Variants in STXBP5L observed in about 807,000 individuals in gnomAD.
The protein encoded by STXBP5L is syntaxin-binding protein 5-like.
In STXBP5L, 65 loss-of-function variants were observed where a neutral mutation model predicts 144.5. The observed-to-expected ratio is 0.45, with a 90% confidence interval of 0.37 to 0.55. The LOEUF is 0.55. Ranked by LOEUF, STXBP5L falls within the 20% of genes least tolerant of loss-of-function variation. The probability of loss-of-function intolerance (pLI) is 0.00; values close to 1 mark genes in which losing one functional copy is unlikely to be tolerated. For synonymous variants in STXBP5L, 505 were observed against 469.6 expected, an observed-to-expected ratio of 1.08 and a Z score of -0.97; for missense variants, 1,298 against 1,405.5, an observed-to-expected ratio of 0.92 and a Z score of 1.22.
At chr3:120,965,372 C>A (rs537658695) in intron 3 of STXBP5L, among the ~76,000 whole-genome samples, 1 of 152,124 alleles carries the variant, frequency 6.6e-6, no homozygotes, top group Non-Finnish European at 1.5e-5. Flanking sequence ...TTCATAGCAT[C>A]GATGGTCTTT....
At chr3:121,359,886 G>C (rs946865535) in intron 20 of STXBP5L, among the ~76,000 whole-genome samples, 1 of 150,616 alleles carries the variant, frequency 6.6e-6, no homozygotes, top group African/African-American at 2.4e-5. Flanking sequence ...AGTATAATTT[G>C]AAGTCTGGTA....
chr3:120,931,087 G>T (rs1709909770), intron 2 of STXBP5L, among the ~76,000 whole-genome samples: 1 of 151,120 alleles, frequency 6.6e-6, no homozygotes, highest in South Asian at 2.1e-4. Flanking sequence ...AAACAAAGTT[G>T]GGTTTTCTCT....
intron 24 of STXBP5L, among the ~76,000 whole-genome samples, chr3:121,415,606 C>T (rs913652861): frequency 1.3e-5 from 2 of 152,012 alleles, no homozygotes; most frequent in Non-Finnish European, 2.9e-5. Flanking sequence ...GCTATATTAG[C>T]TTCCCATGCT....
At chr3:121,004,305 T>C (rs1317337126) in intron 3 of STXBP5L, among the ~76,000 whole-genome samples, 2 of 151,498 alleles carry the variant, frequency 1.3e-5, no homozygotes, top group Non-Finnish European at 3.0e-5. Context: ...TTATTCTCTT[T>C]GAAGCAATTG....
chr3:121,008,894 C>T (rs964478663), intron 3 of STXBP5L, among the ~76,000 whole-genome samples: 2 of 151,538 alleles, frequency 1.3e-5, no homozygotes, highest in African/African-American at 4.8e-5. Context: ...TCTATCTTTT[C>T]CAGGATGGAA....
At chr3:121,342,346 AT>A (rs987291403) in intron 20 of STXBP5L, among the ~76,000 whole-genome samples, 2 of 152,006 alleles carry the variant, frequency 1.3e-5, no homozygotes, top group African/African-American at 2.4e-5. Context: ...CTAGAATACT[AT>A]TTTTTTATTA....
intron 19 of STXBP5L, among the ~76,000 whole-genome samples, chr3:121,297,239 T>TGTGA (rs201815813): frequency 2.4e-4 from 34 of 143,506 alleles, no homozygotes; most frequent in African/African-American, 8.4e-4. Context: ...TGTGTGTGTG[T>TGTGA]GATATTCCTG....
chr3:121,324,237 G>C (rs924394147), intron 20 of STXBP5L, among the ~76,000 whole-genome samples: 1 of 152,060 alleles, frequency 6.6e-6, no homozygotes, highest in African/African-American at 2.4e-5. Context: ...TCAGAGCTTG[G>C]TCTTACAGCC....
chr3:121,289,116 C>T (rs1037158444), intron 19 of STXBP5L, among the ~76,000 whole-genome samples: 1 of 152,076 alleles, frequency 6.6e-6, no homozygotes, highest in African/African-American at 2.4e-5. Flanking sequence ...AGAGACTCCC[C>T]CAACACATAA....
chr3:121,307,285 G>C (rs1407273198), intron 19 of STXBP5L, among the ~76,000 whole-genome samples: 1 of 152,048 alleles, frequency 6.6e-6, no homozygotes, highest in African/African-American at 2.4e-5. Context: ...ACAAAGTGTG[G>C]CTCATTCACA....
At chr3:121,224,412 TG>T (rs1452831291) in intron 11 of STXBP5L, among the ~76,000 whole-genome samples, 5 of 152,304 alleles carry the variant, frequency 3.3e-5, no homozygotes, top group Middle Eastern at 3.4e-3. Flanking sequence ...AATTTACTTA[TG>T]TTTTTAATTG....
At chr3:120,975,064 T>C (rs1286464716) in intron 3 of STXBP5L, among the ~76,000 whole-genome samples, 1 of 152,216 alleles carries the variant, frequency 6.6e-6, no homozygotes, top group Non-Finnish European at 1.5e-5. Flanking sequence ...AAGTAGTTTT[T>C]TCCAATTCTG....
chr3:121,212,020 A>G (rs1252626301), intron 10 of STXBP5L, among the ~76,000 whole-genome samples: 1 of 152,002 alleles, frequency 6.6e-6, no homozygotes, highest in Non-Finnish European at 1.5e-5. Flanking sequence ...TTCTTTTGAG[A>G]AGTGTCTATT....
intron 20 of STXBP5L, among the ~76,000 whole-genome samples, chr3:121,338,867 C>A (rs551796521): frequency 6.6e-6 from 1 of 151,984 alleles, no homozygotes; most frequent in African/African-American, 2.4e-5. Flanking sequence ...AAATTCTGAA[C>A]AGACCAACAA....
intron 3 of STXBP5L, among the ~76,000 whole-genome samples, chr3:120,980,473 T>TA (rs1160365118): frequency 2.0e-5 from 3 of 146,488 alleles, no homozygotes; most frequent in Admixed American, 1.4e-4. Context: ...TTTTTTTTTT[T>TA]AACTGTTGTT....
chr3:121,318,623 A>G, intron 20 of STXBP5L, 83 bp downstream of exon 20: 1 of 1,030,134 alleles, frequency 9.7e-7, no homozygotes, highest in Non-Finnish European at 1.4e-6. Context: ...TTATAATGTG[A>G]AATTTATAAT....
intron 5 of STXBP5L, among the ~76,000 whole-genome samples, chr3:121,090,346 T>C (rs894019125): frequency 6.6e-6 from 1 of 152,138 alleles, no homozygotes; most frequent in African/African-American, 2.4e-5. Flanking sequence ...GGTGGGATTT[T>C]TGGCTCTCCA....
intron 3 of STXBP5L, among the ~76,000 whole-genome samples, chr3:121,025,244 C>G (rs1945845401): frequency 6.6e-6 from 1 of 152,098 alleles, no homozygotes; most frequent in African/African-American, 2.4e-5. Flanking sequence ...TTCCCTATCT[C>G]CCTATGCTGG....
At chr3:121,207,071 C>A (rs538783260) in intron 10 of STXBP5L, among the ~76,000 whole-genome samples, 1 of 152,168 alleles carries the variant, frequency 6.6e-6, no homozygotes, top group South Asian at 2.1e-4. Context: ...AAATTATGCT[C>A]ATTTTTAACC....
Sources: gnomAD v4.1 joint callset for allele counts (sites outside exome capture counted in the v4.1 genomes callset) on GRCh38, gnomAD v4.1.1 for gene constraint, MANE v1.5 for transcripts, NCBI Gene and HGNC (gene_info 2026-07-23, HGNC 2026-07-21) for gene names.